GALNT13: variants seen among roughly 807,000 people sequenced by gnomAD.
GALNT13 encodes polypeptide N-acetylgalactosaminyltransferase 13, also known as UDP-GalNAc:polypeptide N-acetylgalactosaminyltransferase 13.
GALNT13 carries 28 observed loss-of-function variants against 64.2 expected under a neutral mutation model. That is an observed-to-expected ratio of 0.44 (90% CI 0.32 to 0.60). The LOEUF (loss-of-function observed/expected upper bound fraction) is 0.60, where lower values mean the gene tolerates loss of function less well. GALNT13 is among the 20% of genes least tolerant of loss of function. The pLI, the probability that GALNT13 is intolerant of heterozygous loss-of-function variation, is 0.05. For missense variants in GALNT13, 577 were observed against 669.8 expected, an observed-to-expected ratio of 0.86 and a Z score of 1.53; for synonymous variants, 214 against 224.6, an observed-to-expected ratio of 0.95 and a Z score of 0.42.
chr2:153,197,421 T>C, the GALNT13 span, among the ~76,000 whole-genome samples: 8 of 152,332 alleles, frequency 5.3e-5, no homozygotes, highest in African/African-American at 1.9e-4. Context: ...CCAGAAGATA[T>C]GCTATATCAA....
chr2:153,619,589 T>C, the GALNT13 span, among the ~76,000 whole-genome samples: 1 of 152,132 alleles, frequency 6.6e-6, no homozygotes, highest in Non-Finnish European at 1.5e-5. Context: ...GCACTTCTTA[T>C]AGGACGGGCC....
At chr2:153,602,210 T>A in the GALNT13 span, among the ~76,000 whole-genome samples, 1 of 151,918 alleles carries the variant, frequency 6.6e-6, no homozygotes, top group Non-Finnish European at 1.5e-5. Flanking sequence ...AACATGTTTT[T>A]AATTTATTTA....
the GALNT13 span, among the ~76,000 whole-genome samples, chr2:153,400,257 G>A: frequency 6.6e-6 from 1 of 151,896 alleles, no homozygotes; most frequent in Admixed American, 6.6e-5. Context: ...AACCAGCCTT[G>A]CATCCCAGGG....
At chr2:153,336,049 A>C in the GALNT13 span, among the ~76,000 whole-genome samples, 1 of 152,316 alleles carries the variant, frequency 6.6e-6, no homozygotes, top group Admixed American at 6.5e-5. Flanking sequence ...AGATGGACAG[A>C]CATCAAGAAT....
the GALNT13 span, among the ~76,000 whole-genome samples, chr2:153,484,334 A>G: frequency 2.0e-5 from 3 of 152,182 alleles, no homozygotes; most frequent in Non-Finnish European, 4.4e-5. Context: ...GTATTCCATT[A>G]TGTGAACATA....
the GALNT13 span, among the ~76,000 whole-genome samples, chr2:153,551,145 T>A: frequency 6.6e-6 from 1 of 152,314 alleles, no homozygotes; most frequent in East Asian, 1.9e-4. Context: ...ACTGGGAGTT[T>A]ACACACCTGC....
chr2:154,166,430 C>A (rs1484441007), intron 4 of GALNT13, among the ~76,000 whole-genome samples: 1 of 152,144 alleles, frequency 6.6e-6, no homozygotes, highest in Admixed American at 6.6e-5. Flanking sequence ...CAATGAGATA[C>A]CATCTCACAC....
chr2:153,485,763 G>C, the GALNT13 span, among the ~76,000 whole-genome samples: 1 of 152,076 alleles, frequency 6.6e-6, no homozygotes, highest in Non-Finnish European at 1.5e-5. Flanking sequence ...AGCCGGGCAT[G>C]GTGGTGCATG....
chr2:153,075,103 G>GTAA, the GALNT13 span, among the ~76,000 whole-genome samples: 3 of 152,066 alleles, frequency 2.0e-5, no homozygotes, highest in African/African-American at 7.3e-5. Flanking sequence ...CGTTTTAGTA[G>GTAA]TTTTGATAAC....
the GALNT13 span, among the ~76,000 whole-genome samples, chr2:153,362,644 A>C: frequency 6.6e-5 from 10 of 151,764 alleles, no homozygotes; most frequent in African/African-American, 2.4e-4. Context: ...AAGACGAAGG[A>C]TATTATATAA....
Position 154,438,725 on chromosome 2 carries a change from A to T in GALNT13, c.1529A>T (p.Glu510Val). 6.2e-7 allele frequency: 1 copy of T among 1,601,070 alleles called. No homozygotes were observed. The highest frequency in any genetic ancestry group is 8.5e-7 in the Non-Finnish European group (1 of 1,172,106). ...RGNQLWEYDAERLTLRHVNSN... is the reference protein window; with the variant it reads ...RGNQLWEYDAVRLTLRHVNSN... ...AATCAGTTATGGGAATATGATGCTG[A>T]GGTATAGTATTTTCTTAATTTACTT... The change falls in exon 12 of 13, where the codon GAG becomes GTG. Residue 510 changes from glutamate to valine, a missense_variant and splice_region_variant. Transcript: ENST00000392825.
intron 3 of GALNT13, among the ~76,000 whole-genome samples, chr2:154,032,116 A>C (rs1698376573): frequency 6.6e-6 from 1 of 151,984 alleles, no homozygotes; most frequent in Admixed American, 6.6e-5. Flanking sequence ...AAAACTAATA[A>C]ATATAGAAGC....
At chr2:153,199,467 A>G in the GALNT13 span, among the ~76,000 whole-genome samples, 700 of 152,302 alleles carry the variant, frequency 4.6e-3, 4 homozygotes, top group African/African-American at 0.016. Context: ...TGGTTGTGGT[A>G]GTATCATCAG....
the GALNT13 span, among the ~76,000 whole-genome samples, chr2:153,524,378 T>C: frequency 6.6e-6 from 1 of 151,834 alleles, no homozygotes; most frequent in Non-Finnish European, 1.5e-5. Context: ...CCACCAATTA[T>C]TCCCCCTGCA....
intron 3 of GALNT13, among the ~76,000 whole-genome samples, chr2:154,023,345 C>G (rs1209406835): frequency 6.6e-6 from 1 of 152,174 alleles, no homozygotes; most frequent in Non-Finnish European, 1.5e-5. Context: ...TTGTAGGTCA[C>G]TAAGGACTTG....
At chr2:154,316,331 A>G (rs1036866681) in intron 9 of GALNT13, among the ~76,000 whole-genome samples, 2 of 152,182 alleles carry the variant, frequency 1.3e-5, no homozygotes, top group Non-Finnish European at 2.9e-5. Flanking sequence ...ACATTTGAAA[A>G]TTGTGATCAA....
At chr2:153,801,714 C>T in the GALNT13 span, among the ~76,000 whole-genome samples, 1 of 151,942 alleles carries the variant, frequency 6.6e-6, no homozygotes, top group East Asian at 1.9e-4. Context: ...AACTGAGCAC[C>T]CATTGTTGGA....
intron 4 of GALNT13, among the ~76,000 whole-genome samples, chr2:154,186,839 C>T (rs1383251472): frequency 6.6e-6 from 1 of 151,994 alleles, no homozygotes; most frequent in Non-Finnish European, 1.5e-5. Context: ...TAAACCAAAT[C>T]ATATAGGAAG....
intron 9 of GALNT13, among the ~76,000 whole-genome samples, chr2:154,358,907 A>G (rs1393193213): frequency 6.6e-6 from 1 of 152,102 alleles, no homozygotes; most frequent in Non-Finnish European, 1.5e-5. Context: ...GTTTTCAGCC[A>G]TTCCTTGTTT....
Sources: allele counts gnomAD v4.1 joint callset (sites outside exome capture counted in the v4.1 genomes callset), GRCh38; gene constraint gnomAD v4.1.1; transcripts MANE v1.5; gene names NCBI Gene and HGNC (gene_info 2026-07-23, HGNC 2026-07-21).